The following KANSL1 variants were observed in gnomAD, a reference collection of about 807,000 sequenced individuals.
The protein encoded by KANSL1 is KAT8 regulatory NSL complex subunit 1.
In KANSL1, 22 loss-of-function variants were observed where a neutral mutation model predicts 103.6. The ratio of observed to expected loss-of-function variants is 0.21; its 90% CI spans 0.15 to 0.30. The LOEUF (loss-of-function observed/expected upper bound fraction) is 0.30. Ranked by LOEUF, KANSL1 falls within the 10% of genes least tolerant of loss-of-function variation. KANSL1 has a pLI of 1.00. For synonymous variants in KANSL1, 600 were observed against 527.6 expected (o/e 1.14, Z -1.88); for missense variants, 1,337 against 1,399.8 (o/e 0.96, Z 0.72).
At chr17:46,190,878 G>A (rs529012580) in intron 1 of KANSL1, among the ~76,000 whole-genome samples, 1 of 152,272 alleles carries the variant, frequency 6.6e-6, no homozygotes, top group Admixed American at 6.5e-5. Flanking sequence ...CAAGGGATGA[G>A]CATTTTTACC....
rs1379177470 is a variant in KANSL1, at chr17:46,202,889, G to GA, written c.-90+20781dup. Among the ~76,000 whole-genome samples, 7 of 152,242 alleles carry GA rather than the reference G, an allele frequency of 4.6e-5. No individual in the cohort carries two copies. The East Asian group carries it at 1.4e-3, about 29-fold the overall frequency. ...AATGAACCAACTTTAACCAGCATCA[G>GA]AAAAAATAAAATAAAATAGTTAAAT... On this transcript the variant is annotated intron_variant, in intron 1 of 14. Coordinates refer to the KANSL1 transcript ENST00000572904.
At chr17:46,213,237 T>C (rs1267096500) in intron 1 of KANSL1, among the ~76,000 whole-genome samples, 2 of 152,272 alleles carry the variant, frequency 1.3e-5, no homozygotes, top group Non-Finnish European at 2.9e-5. Flanking sequence ...AAACTCATAC[T>C]TAACAGAGCT....
intron 2 of KANSL1, among the ~76,000 whole-genome samples, chr17:46,136,272 T>C (rs1218145997): frequency 2.6e-5 from 4 of 152,258 alleles, no homozygotes; most frequent in Non-Finnish European, 4.4e-5. Flanking sequence ...CTAGGGTATA[T>C]AGGTTGATGT....
At position 46,126,770 on chromosome 17, in the gene KANSL1, T is replaced by C. The variant is rs1177576646; in HGVS notation, c.1290-32069A>G. 2.0e-5 allele frequency among the ~76,000 whole-genome samples: 3 copies of C among 152,208 alleles called. No individual in the cohort carries two copies. In the East Asian group the frequency reaches 5.8e-4, roughly 29 times the overall value. ...GTGACAAATGTTATAAAGAAAAAAT[T>C]TGATTACCCTAAAAACAAATACATA... On this transcript the variant is annotated intron_variant, in intron 2 of 14. Transcript: ENST00000432791.
intron 3 of KANSL1, chr17:46,088,569 CTCAAAGAGTAG>C (rs1165023372): frequency 1.2e-4 from 19 of 152,192 alleles, no homozygotes; most frequent in Admixed American, 1.1e-3. Flanking sequence ...GCTGTGTAAT[CTCAAAGAGTAG>C]TCAGAAGAGG....
intron 1 of KANSL1, among the ~76,000 whole-genome samples, chr17:46,182,153 A>G (rs12150012): frequency 0.12 from 18,655 of 150,274 alleles, 26 homozygotes; most frequent in Middle Eastern, 0.19. Flanking sequence ...TAAGCCCTAA[A>G]TGACTGGACT....
intron 6 of KANSL1, among the ~76,000 whole-genome samples, chr17:46,052,587 A>G (rs1350834811): frequency 6.6e-6 from 1 of 151,932 alleles, no homozygotes; most frequent in African/African-American, 2.4e-5. Flanking sequence ...CCTGGGCGAC[A>G]GAATGAGACT....
intron 3 of KANSL1, among the ~76,000 whole-genome samples, chr17:46,090,203 A>AT (rs1484246345): frequency 2.0e-5 from 3 of 152,226 alleles, no homozygotes; most frequent in African/African-American, 7.2e-5. Flanking sequence ...GACTAGCACA[A>AT]TATCAGAAGC....
intron 1 of KANSL1, among the ~76,000 whole-genome samples, chr17:46,208,973 C>A (rs2048070919): frequency 6.6e-6 from 1 of 152,040 alleles, no homozygotes; most frequent in Admixed American, 6.6e-5. Flanking sequence ...GAGTTCGAGA[C>A]CAGCCTGGCC....
intron 2 of KANSL1, among the ~76,000 whole-genome samples, chr17:46,162,582 A>C (rs1272736011): frequency 1.3e-5 from 2 of 152,218 alleles, no homozygotes; most frequent in African/African-American, 4.8e-5. Context: ...TGCTCACCAC[A>C]TGCAATCAGC....
intron 1 of KANSL1, among the ~76,000 whole-genome samples, chr17:46,212,036 G>A (rs987306867): frequency 2.0e-5 from 3 of 152,196 alleles, no homozygotes; most frequent in African/African-American, 7.2e-5. Flanking sequence ...ACAGACTCAA[G>A]GAGGCTGGTT....
chr17:46,165,255 T>C (rs572499846), intron 2 of KANSL1, among the ~76,000 whole-genome samples: 2 of 150,476 alleles, frequency 1.3e-5, no homozygotes, highest in Non-Finnish European at 3.0e-5. Flanking sequence ...TTATTTGAAA[T>C]GGAGTCTCGC....
At chr17:46,033,222 C>T (rs764966056) in intron 12 of KANSL1, 30 bp from the exon 13 acceptor site, 3 of 1,545,628 alleles carry the variant, frequency 1.9e-6, no homozygotes, top group Non-Finnish European at 1.8e-6. Flanking sequence ...TCGATCCCCT[C>T]TTTTCTCCAG....
intron 2 of KANSL1, among the ~76,000 whole-genome samples, chr17:46,097,773 T>C (rs1156757023): frequency 2.0e-5 from 3 of 151,978 alleles, no homozygotes. Context: ...TGACTATAGG[T>C]GAACTTGAAC....
chr17:46,208,866 A>C (rs1189546286), intron 1 of KANSL1, among the ~76,000 whole-genome samples: 2 of 151,846 alleles, frequency 1.3e-5, no homozygotes, highest in South Asian at 2.1e-4. Context: ...AAAAAAAAAA[A>C]AACCTTACAA....
chr17:46,121,942 CA>C (rs1192024887), intron 2 of KANSL1, among the ~76,000 whole-genome samples: 1 of 152,190 alleles, frequency 6.6e-6, no homozygotes, highest in East Asian at 1.9e-4. Context: ...AATCATCTAA[CA>C]CAAAGCCTAT....
chr17:46,077,246 T>G (rs927731753), intron 4 of KANSL1, among the ~76,000 whole-genome samples: 13 of 152,028 alleles, frequency 8.6e-5, no homozygotes. Context: ...AGAGATGGGG[T>G]TTCGTCAGGT....
At chr17:46,215,455 T>C (rs866991659) in intron 1 of KANSL1, among the ~76,000 whole-genome samples, 22 of 152,326 alleles carry the variant, frequency 1.4e-4, no homozygotes, top group Middle Eastern at 3.4e-3. Context: ...AAGGATCATG[T>C]TGGCAGCGAC....
At chr17:46,088,815 G>T (rs1451399139) in intron 3 of KANSL1, 2 of 152,378 alleles carry the variant, frequency 1.3e-5, no homozygotes, top group African/African-American at 4.8e-5. Flanking sequence ...CTTGAGCCCA[G>T]GAGTTTCAGG....
Sources: allele counts gnomAD v4.1 joint callset (sites outside exome capture counted in the v4.1 genomes callset), GRCh38; gene constraint gnomAD v4.1.1; transcripts MANE v1.5; gene names NCBI Gene and HGNC (gene_info 2026-07-23, HGNC 2026-07-21).